Variants in GHR observed in about 807,000 individuals in gnomAD.
GHR encodes the protein GH receptor.
Under a neutral mutation model 67.1 loss-of-function variants are expected in GHR, and 35 were observed. The observed-to-expected ratio is 0.52, with a 90% CI of 0.40 to 0.69. The LOEUF (loss-of-function observed/expected upper bound fraction) is 0.69. Among genes scored for constraint, GHR ranks in the 30% least tolerant of loss-of-function variants. The pLI is 0.00. For synonymous variants in GHR, 272 were observed against 269.1 expected (o/e 1.01, Z -0.10); for missense variants, 792 against 764.6 (o/e 1.04, Z -0.42).
At chr5:42,683,164 G>A (rs1756972239) in intron 3 of GHR, among the ~76,000 whole-genome samples, 1 of 152,110 alleles carries the variant, frequency 6.6e-6, no homozygotes, top group South Asian at 2.1e-4. Flanking sequence ...ACCATGCCCA[G>A]CTAATTTTTC....
chr5:42,676,200 G>A (rs1021025548), intron 3 of GHR, among the ~76,000 whole-genome samples: 4 of 152,050 alleles, frequency 2.6e-5, no homozygotes, highest in South Asian at 2.1e-4. Flanking sequence ...CAGGAGAATC[G>A]CTTGAACCTG....
chr5:42,623,186 T>G (rs996690645), intron 2 of GHR, among the ~76,000 whole-genome samples: 5 of 152,274 alleles, frequency 3.3e-5, no homozygotes, highest in African/African-American at 9.6e-5. Flanking sequence ...CTTATATATA[T>G]ATAGATACTT....
chr5:42,466,623 A>G (rs535219972), intron 1 of GHR, among the ~76,000 whole-genome samples: 1 of 152,360 alleles, frequency 6.6e-6, no homozygotes, highest in African/African-American at 2.4e-5. Flanking sequence ...CCCATTCCTA[A>G]GAAAGCTACA....
chr5:42,444,109 T>A (rs1743709620), intron 1 of GHR, among the ~76,000 whole-genome samples: 1 of 152,156 alleles, frequency 6.6e-6, no homozygotes, highest in South Asian at 2.1e-4. Flanking sequence ...CTTCTCTGGA[T>A]TAAACAACAA....
intron 1 of GHR, among the ~76,000 whole-genome samples, chr5:42,562,238 C>A (rs1749648832): frequency 1.3e-5 from 2 of 152,128 alleles, no homozygotes; most frequent in South Asian, 4.1e-4. Flanking sequence ...AATGTCACGT[C>A]TCGTGGCCTG....
Position 42,718,497 on chromosome 5 carries a change from T to A in GHR, c.990T>A (p.Asp330Glu). 2 of 1,612,354 alleles carry A rather than the reference T, an allele frequency of 1.2e-6. No homozygotes were observed. The highest frequency in any genetic ancestry group is 1.7e-6 in the Non-Finnish European group (2 of 1,178,396). Reference sequence around the variant, plus strand: ...TGAACACAATCTTAGCCATTCATGATAGCTATAAACCCGAATTCCACAGTG... The same window carrying A: ...TGAACACAATCTTAGCCATTCATGAAAGCTATAAACCCGAATTCCACAGTG... ...EEVNTILAIHDSYKPEFHSDD... is the reference protein window; with the variant it reads ...EEVNTILAIHESYKPEFHSDD... The change falls in exon 10 of 10, where the codon GAT (aspartate) becomes GAA (glutamate). Residue 330 changes from aspartate to glutamate, a missense_variant. Coordinates refer to ENST00000230882, the MANE Select transcript of GHR (RefSeq NM_000163.5).
intron 2 of GHR, among the ~76,000 whole-genome samples, chr5:42,616,897 A>G (rs902127182): frequency 6.6e-6 from 1 of 152,064 alleles, no homozygotes; most frequent in African/African-American, 2.4e-5. Flanking sequence ...GAAGTTAAGT[A>G]ATATAAGAAA....
intron 1 of GHR, among the ~76,000 whole-genome samples, chr5:42,453,327 T>C (rs2112010946): frequency 6.6e-6 from 1 of 152,282 alleles, no homozygotes; most frequent in East Asian, 1.9e-4. Context: ...TGGTCTTTTA[T>C]TTACTGAGTT....
rs975753390 is a variant in GHR, at chr5:42,599,727, AAAC to A, written c.71-29293_71-29291del. The stretch of plus-strand genomic sequence containing the variant: ...AAAAATTTGAAGAATTTAACAACAA[AAAC>A]AACAACAACAACAACAAACTTTTGT... On this transcript the variant is annotated intron_variant, in intron 2 of 9. Transcript: ENST00000230882. 3.9e-3 allele frequency among the ~76,000 whole-genome samples: 601 copies of A among 152,190 alleles called. 1 individual carries two copies. The highest frequency in any genetic ancestry group is 0.014 in the African/African-American group (576 of 41,526).
chr5:42,468,785 AG>A, intron 1 of GHR: 1 of 1,093,668 alleles, frequency 9.1e-7, no homozygotes, highest in Non-Finnish European at 1.4e-6. Flanking sequence ...AGCACCTCGA[AG>A]GGGTCCGATT....
At chr5:42,461,355 C>T (rs999578248) in intron 1 of GHR, among the ~76,000 whole-genome samples, 1 of 152,224 alleles carries the variant, frequency 6.6e-6, no homozygotes. Context: ...AAATCTTTAA[C>T]ATTTCCCCAA....
intron 1 of GHR, among the ~76,000 whole-genome samples, chr5:42,432,388 T>A (rs1743133082): frequency 6.6e-6 from 1 of 152,204 alleles, no homozygotes; most frequent in African/African-American, 2.4e-5. Context: ...CTGTAAATGA[T>A]CATCTTGAAT....
intron 1 of GHR, among the ~76,000 whole-genome samples, chr5:42,439,213 C>G (rs1164150663): frequency 6.6e-6 from 1 of 152,168 alleles, no homozygotes; most frequent in Non-Finnish European, 1.5e-5. Context: ...TTAATAATAA[C>G]TGCATTATTG....
chr5:42,529,866 A>G (rs1437258428), intron 1 of GHR, among the ~76,000 whole-genome samples: 3 of 152,160 alleles, frequency 2.0e-5, no homozygotes, highest in Non-Finnish European at 2.9e-5. Flanking sequence ...TCTTCCCTGA[A>G]TTTATTACAC....
chr5:42,637,420 T>G (rs1449846772), intron 3 of GHR, among the ~76,000 whole-genome samples: 1 of 152,124 alleles, frequency 6.6e-6, no homozygotes, highest in African/African-American at 2.4e-5. Flanking sequence ...ATTGAGCATA[T>G]TACTTGATGT....
At chr5:42,659,084 G>C (rs1755420247) in intron 3 of GHR, 2 of 152,178 alleles carry the variant, frequency 1.3e-5, no homozygotes, top group Admixed American at 1.3e-4. Context: ...ACCCACTAGA[G>C]TAGTGTAATA....
At chr5:42,447,510 T>A (rs1743856510) in intron 1 of GHR, among the ~76,000 whole-genome samples, 1 of 152,202 alleles carries the variant, frequency 6.6e-6, no homozygotes, top group Non-Finnish European at 1.5e-5. Context: ...TCACATTTTC[T>A]TTATCCACTC....
At chr5:42,685,551 C>T (rs896707320) in intron 3 of GHR, among the ~76,000 whole-genome samples, 1 of 152,200 alleles carries the variant, frequency 6.6e-6, no homozygotes, top group Admixed American at 6.5e-5. Context: ...CTAATTTACA[C>T]TCCCACCAAC....
chr5:42,622,660 G>A (rs947675312), intron 2 of GHR, among the ~76,000 whole-genome samples: 1 of 152,126 alleles, frequency 6.6e-6, no homozygotes, highest in South Asian at 2.1e-4. Flanking sequence ...GCTGTATATG[G>A]TACTATGTTT....
Sources: allele counts gnomAD v4.1 joint callset (sites outside exome capture counted in the v4.1 genomes callset), GRCh38; gene constraint gnomAD v4.1.1; transcripts MANE v1.5; gene names NCBI Gene and HGNC (gene_info 2026-07-23, HGNC 2026-07-21).